The following MYH9 variants were observed in gnomAD, a reference collection of about 807,000 sequenced individuals.
MYH9 encodes myosin heavy chain 9.
In MYH9, 29 loss-of-function variants were observed where a neutral mutation model predicts 241.9. The ratio of observed to expected loss-of-function variants is 0.12; its 90% CI spans 0.09 to 0.16. The LOEUF (loss-of-function observed/expected upper bound fraction) is 0.16. MYH9 is among the 10% of genes least tolerant of loss of function. The pLI, the probability that MYH9 is intolerant of heterozygous loss-of-function variation, is 1.00. For synonymous variants in MYH9, 1,047 were observed against 1,062.6 expected (o/e 0.99, Z 0.29); for missense variants, 1,803 against 2,595.5 (o/e 0.69, Z 6.63).
rs367752026 is a variant in MYH9, at chr22:36,306,681, G to A, written c.1844-74C>T. ...GTGGTGGGGGAGCACGTAGGAGAGA[G>A]AGACAGGCACACGTCGGACAGGAAA... On this transcript the variant is annotated intron_variant, in intron 15 of 40. Transcript: ENST00000216181. This position sits in a 1 kb window ranked among gnomAD's most constrained non-coding sequence, Gnocchi z 4.1. 9 of 1,418,082 alleles carry A rather than the reference G, an allele frequency of 6.3e-6. No homozygotes were observed. The African/African-American group carries it at 1.3e-4, about 20-fold the overall frequency. 87.8% of individuals were successfully genotyped at this position (1,418,082 alleles called of 1,614,324 possible).
At chr22:36,327,660 G>A (rs1457607571) in intron 3 of MYH9, among the ~76,000 whole-genome samples, 172 bp from the exon 4 acceptor site, 1 of 152,180 alleles carries the variant, frequency 6.6e-6, no homozygotes, top group Non-Finnish European at 1.5e-5. Flanking sequence ...CTTCGGGGGA[G>A]AGTGCCATTG....
At chr22:36,377,299 T>C (rs1033449326) in intron 1 of MYH9, among the ~76,000 whole-genome samples, 33 of 152,176 alleles carry the variant, frequency 2.2e-4, no homozygotes, top group African/African-American at 7.5e-4. Context: ...TATGTTTATC[T>C]GACAGGAAGC....
chr22:36,292,863 A>C (rs2016728623), intron 30 of MYH9, among the ~76,000 whole-genome samples: 1 of 152,238 alleles, frequency 6.6e-6, no homozygotes, highest in Admixed American at 6.5e-5. Context: ...GTACAGAAAA[A>C]TGCAGTTGTC....
At chr22:36,385,496 G>C (rs575079870) in intron 1 of MYH9, among the ~76,000 whole-genome samples, 1 of 152,318 alleles carries the variant, frequency 6.6e-6, no homozygotes, top group Non-Finnish European at 1.5e-5. Context: ...AAGGCAGGCT[G>C]TGATTAACAT....
intron 1 of MYH9, among the ~76,000 whole-genome samples, chr22:36,364,071 A>T (rs1419462848): frequency 3.3e-5 from 5 of 152,370 alleles, no homozygotes; most frequent in Admixed American, 1.3e-4. Context: ...AAAGTGCAGC[A>T]TGAGGGCTTT....
intron 12 of MYH9, 67 bp from the exon 13 acceptor site, chr22:36,314,385 GAGA>G: frequency 6.3e-7 from 1 of 1,589,376 alleles, no homozygotes; most frequent in South Asian, 1.1e-5. Context: ...GACACCCCTT[GAGA>G]AGGAGGGTGG....
At chr22:36,316,794 G>GA (rs545845640) in intron 11 of MYH9, 125 bp from the exon 12 acceptor site, 9,628 of 769,080 alleles carry the variant, frequency 0.013, no homozygotes, top group South Asian at 0.016. Flanking sequence ...GTATGTGGGG[G>GA]AAAAAAAAAA....
At position 36,302,690 on chromosome 22, in the gene MYH9, A is replaced by G; in HGVS notation, c.2391-14T>C. On this transcript the variant is annotated splice_polypyrimidine_tract_variant and intron_variant, in intron 19 of 40. Transcript: ENST00000216181. Reference sequence around the variant, plus strand: ...TTGGCAAATGCTCTGTGTGGTGAGGAACATGGTCAGCGCGGAGCAGTGGAC... The same window carrying G: ...TTGGCAAATGCTCTGTGTGGTGAGGGACATGGTCAGCGCGGAGCAGTGGAC... The G allele has an allele frequency of 1.9e-6, 3 of 1,611,212 alleles. No individual in the cohort carries two copies. The highest frequency in any genetic ancestry group is 2.2e-5 in the South Asian group (2 of 91,046).
intron 28 of MYH9, 63 bp downstream of exon 28, chr22:36,294,029 G>T (rs2016749295): frequency 6.4e-7 from 1 of 1,572,394 alleles, no homozygotes; most frequent in Admixed American, 1.7e-5. Flanking sequence ...TGCACCTGGG[G>T]ACCTGGGCCA....
rs114375757 is a variant in MYH9, at chr22:36,327,616, G to T, written c.491-128C>A. On this transcript the variant is annotated intron_variant, in intron 3 of 40. Transcript: ENST00000216181. ...CAGATGCTGTCTTTGTGGGGATCTCGCAGTCTACCCTCACACCTGGCTAGG... is the reference window on the plus strand; with the variant it reads ...CAGATGCTGTCTTTGTGGGGATCTCTCAGTCTACCCTCACACCTGGCTAGG... 2,277 of 1,103,302 alleles carry T rather than the reference G, an allele frequency of 2.1e-3. 20 individuals carry two copies. The African/African-American group carries it at 0.023, about 11-fold the overall frequency. The allele number at this position is 1,103,302 out of a possible 1,614,324, so 68.3% of individuals were successfully genotyped here.
intron 3 of MYH9, among the ~76,000 whole-genome samples, chr22:36,332,443 G>A (rs2017436411): frequency 2.0e-5 from 3 of 152,068 alleles, no homozygotes; most frequent in Non-Finnish European, 2.9e-5. Flanking sequence ...GGTCATGGGC[G>A]AGTGTGCCCT....
intron 12 of MYH9, among the ~76,000 whole-genome samples, chr22:36,315,774 G>C (rs1416242244): frequency 1.3e-5 from 2 of 149,940 alleles, no homozygotes; most frequent in African/African-American, 4.9e-5. Context: ...ACAAACAAAA[G>C]GTCTCATTTT....
Position 36,293,304 on chromosome 22 carries a change from C to T in MYH9, c.4095+25G>A, listed in dbSNP as rs200107598. The T allele has an allele frequency of 3.8e-5, 61 of 1,613,532 alleles. No individual in the cohort carries two copies. The East Asian group carries it at 7.4e-4, about 19-fold the overall frequency. On this transcript the variant is annotated intron_variant, in intron 30 of 40. Coordinates refer to ENST00000216181, the MANE Select transcript of MYH9 (RefSeq NM_002473.6). This position sits in a 1 kb window ranked among gnomAD's most constrained non-coding sequence, Gnocchi z 5.1. ...CAGCAGCTCCCCAGCCTGCAGAGTC[C>T]GGCCGGTCCCCCAGGCCTCCAAACC...
In MYH9 at chr22:36,306,389, G is replaced by C. The variant is rs200459178; in HGVS notation, c.2037+25C>G. On this transcript the variant is annotated intron_variant, in intron 16 of 40. Transcript: ENST00000216181. This position sits in a 1 kb window ranked among gnomAD's most constrained non-coding sequence, Gnocchi z 4.1. ...CACCCCACACCACAGTGCCCTGCCC[G>C]GGCCACCCCACCAGGCAGCCGCACC... 6.2e-7 allele frequency: 1 copy of C among 1,613,634 alleles called. No homozygotes were observed. The highest frequency in any genetic ancestry group is 1.1e-5 in the South Asian group (1 of 91,052).
Position 36,320,488 on chromosome 22 carries a change from G to A in MYH9, c.869-125C>T, listed in dbSNP as rs761808060. The stretch of plus-strand genomic sequence containing the variant: ...TGAGCCCTGACGCACCCTGGAAACC[G>A]CAGAGTAGCCAGTGACGTTCAGCTT... On this transcript the variant is annotated intron_variant, in intron 8 of 40. Coordinates refer to ENST00000216181, the MANE Select transcript of MYH9 (RefSeq NM_002473.6). The surrounding 1 kb of genome is among the most constrained non-coding windows in gnomAD (Gnocchi z 4.8). The A allele has an allele frequency of 2.1e-5, 26 of 1,245,258 alleles. No homozygotes were observed. Among genetic ancestry groups the A allele is most frequent in the Non-Finnish European group, 2.7e-5 (23 of 866,794 alleles). The allele number at this position is 1,245,258 out of a possible 1,614,324, so 77.1% of individuals were successfully genotyped here. A position where few individuals can be genotyped will look rare whatever the true frequency, so the allele number is the denominator to read the frequency against.
At position 36,311,987 on chromosome 22, in the gene MYH9, G is replaced by A. The variant is rs1334649013; in HGVS notation, c.1728+62C>T. 6 of 1,600,588 alleles carry A rather than the reference G, an allele frequency of 3.7e-6. No homozygotes were observed. In the Admixed American group the frequency reaches 8.5e-5, roughly 23 times the overall value. ...CAGCTGCCCGGCTCCTGGTCCTAGAGAGCCTCGACTCCACCTCTCCTGTGA... is the reference window on the plus strand; with the variant it reads ...CAGCTGCCCGGCTCCTGGTCCTAGAAAGCCTCGACTCCACCTCTCCTGTGA... On this transcript the variant is annotated intron_variant, in intron 14 of 40. Coordinates refer to ENST00000216181, the MANE Select transcript of MYH9 (RefSeq NM_002473.6).
At chr22:36,310,827 T>G (rs1012050474) in intron 14 of MYH9, among the ~76,000 whole-genome samples, 5 of 151,826 alleles carry the variant, frequency 3.3e-5, no homozygotes, top group Admixed American at 3.3e-4. Flanking sequence ...TCCTGGAAGC[T>G]TCTGCACTGA....
chr22:36,300,108 C>T lies in MYH9; in HGVS notation c.2976+19G>A, dbSNP rs751489858. 6.2e-6 allele frequency: 10 copies of T among 1,608,018 alleles called. No homozygotes were observed. The highest frequency in any genetic ancestry group is 5.3e-5 in the African/African-American group (4 of 74,924). On this transcript the variant is annotated intron_variant, in intron 23 of 40. Coordinates refer to ENST00000216181, the MANE Select transcript of MYH9 (RefSeq NM_002473.6). This position sits in a 1 kb window ranked among gnomAD's most constrained non-coding sequence, Gnocchi z 5.0. The stretch of plus-strand genomic sequence containing the variant: ...ACGGCGCCCCTGGAGCAGCGGCAGG[C>T]GACAGCCACGGGCCTCACCTTGGCC...
At chr22:36,384,202 C>T (rs1364949974) in intron 1 of MYH9, among the ~76,000 whole-genome samples, 3 of 150,014 alleles carry the variant, frequency 2.0e-5, no homozygotes, top group Admixed American at 1.3e-4. Context: ...ACCTTGGGGG[C>T]AGAGGTTGCA....
Sources: gnomAD v4.1 joint callset for allele counts (sites outside exome capture counted in the v4.1 genomes callset) on GRCh38, gnomAD v4.1.1 for gene constraint, Gnocchi (gnomAD v3.1) non-coding constraint, MANE v1.5 for transcripts, NCBI Gene and HGNC (gene_info 2026-07-23, HGNC 2026-07-21) for gene names.